CPLANE1: variants seen among roughly 807,000 people sequenced by gnomAD.
CPLANE1 encodes the protein ciliogenesis and planar polarity effector complex subunit 1.
CPLANE1 carries 263 observed loss-of-function variants against 362.5 expected under a neutral mutation model. That is an observed-to-expected ratio of 0.73 (90% confidence interval 0.66 to 0.80). The LOEUF is 0.80. Ranked by LOEUF, CPLANE1 falls within the 30% of genes least tolerant of loss-of-function variation. The pLI is 0.00. For synonymous variants in CPLANE1, 1,212 were observed against 1,302.6 expected (o/e 0.93, Z 1.50); for missense variants, 3,461 against 3,793.4 (o/e 0.91, Z 2.30).
chr5:37,176,194 T>C (rs1013474077), intron 30 of CPLANE1: 5 of 436,988 alleles, frequency 1.1e-5, no homozygotes, highest in Non-Finnish European at 1.6e-5. Context: ...CTGGATGACT[T>C]AAAACACCAC....
At chr5:37,098,633 C>T in the CPLANE1 span, among the ~76,000 whole-genome samples, 1 of 151,492 alleles carries the variant, frequency 6.6e-6, no homozygotes, top group South Asian at 2.1e-4. Context: ...ATATGTTAGG[C>T]CACAAAATAA....
chr5:37,218,096 A>G (rs1388844539), intron 15 of CPLANE1, among the ~76,000 whole-genome samples: 1 of 152,206 alleles, frequency 6.6e-6, no homozygotes, highest in Non-Finnish European at 1.5e-5. Context: ...AGCATGCATG[A>G]CTGCTTGAAA....
chr5:37,178,326 T>G (rs1781756608), intron 29 of CPLANE1, among the ~76,000 whole-genome samples: 1 of 151,506 alleles, frequency 6.6e-6, no homozygotes, highest in Non-Finnish European at 1.5e-5. Flanking sequence ...AAAAGAATTG[T>G]TACAACAGAT....
chr5:37,165,415 T>C, intron 36 of CPLANE1, 124 bp downstream of exon 36: 1 of 881,868 alleles, frequency 1.1e-6, no homozygotes. Flanking sequence ...ATATACTGAA[T>C]GATATGAAGA....
the CPLANE1 span, among the ~76,000 whole-genome samples, chr5:37,094,274 C>A: frequency 3.0e-4 from 46 of 152,310 alleles, no homozygotes; most frequent in Non-Finnish European, 5.9e-4. Context: ...CCACAGAAAT[C>A]AACTCCAAAA....
At chr5:37,210,552 A>C in intron 16 of CPLANE1, 1 of 1,501,128 alleles carries the variant, frequency 6.7e-7, no homozygotes, top group Non-Finnish European at 9.2e-7. Flanking sequence ...GGAGGAACTC[A>C]ATCAATCTAT....
rs1264949337 is a variant in CPLANE1 at position 37,247,618 on chromosome 5, C to T, written c.81G>A (p.Lys27=). Residue 27 remains lysine (K), a splice_region_variant and synonymous_variant, in exon 2 of 53, where the codon AAG becomes AAA. Coordinates refer to ENST00000651892, the MANE Select transcript of CPLANE1 (RefSeq NM_001384732.1). Reference sequence around the variant, plus strand: ...ATTGCATGAATAAAGAAAAACCTACCTTTCCCAACCAGGAGACACGTGGCC... The same window carrying T: ...ATTGCATGAATAAAGAAAAACCTACTTTTCCCAACCAGGAGACACGTGGCC... ...KPWPRVSWLG[K]EKEAVFLLDD... 6.5e-7 allele frequency: 1 copy of T among 1,549,852 alleles called. No individual in the cohort carries two copies. Among genetic ancestry groups the T allele is most frequent in the South Asian group, 1.2e-5 (1 of 83,456 alleles).
In CPLANE1 at chr5:37,142,320, A is replaced by G; in HGVS notation, c.8622T>C (p.Thr2874=). The change falls in exon 44 of 53, where the codon ACT becomes ACC. Residue 2874 remains threonine, a synonymous_variant. Coordinates refer to ENST00000651892, the MANE Select transcript of CPLANE1 (RefSeq NM_001384732.1). ...AGTAAAGAACAATACCAGGAGAAGT[A>G]GTATTCTGATCACTGGAACTGGAAA... ...VSLSSSSDQN[T]TSPGMNSSDE... 1.3e-6 allele frequency: 2 copies of G among 1,587,800 alleles called. No homozygotes were observed. Among genetic ancestry groups the G allele is most frequent in the Non-Finnish European group, 1.7e-6 (2 of 1,170,964 alleles).
intron 14 of CPLANE1, 138 bp from the exon 15 acceptor site, chr5:37,221,626 T>G: frequency 2.2e-6 from 1 of 462,544 alleles, no homozygotes; most frequent in Admixed American, 4.3e-5. Flanking sequence ...TTTCTGCATC[T>G]GTTTCACACT....
intron 23 of CPLANE1, among the ~76,000 whole-genome samples, chr5:37,186,956 A>G (rs1784178185): frequency 2.7e-5 from 4 of 150,484 alleles, no homozygotes; most frequent in South Asian, 4.2e-4. Flanking sequence ...AGCTGCTCGG[A>G]AGGCTGAGGC....
rs199746268 is a variant in CPLANE1, at chr5:37,168,527, G to C, written c.7233+264C>G. 5.9e-5 allele frequency among the ~76,000 whole-genome samples: 9 copies of C among 152,156 alleles called. No individual in the cohort carries two copies. In the East Asian group the frequency reaches 7.7e-4, roughly 13 times the overall value. On this transcript the variant is annotated intron_variant, in intron 34 of 52. Coordinates refer to ENST00000651892, the MANE Select transcript of CPLANE1 (RefSeq NM_001384732.1). ...ACACAATTTTTTTTTAATAGAGACA[G>C]CTTCTCCCTATGTTACCCAGGCTAG... is the stretch of plus-strand genomic sequence containing the variant.
chr5:37,131,186 T>C (rs1467290743), intron 46 of CPLANE1, among the ~76,000 whole-genome samples: 2 of 152,214 alleles, frequency 1.3e-5, no homozygotes, highest in Non-Finnish European at 2.9e-5. Flanking sequence ...AATCGCAGAA[T>C]GCAGTTATTT....
At chr5:37,090,337 C>G in the CPLANE1 span, among the ~76,000 whole-genome samples, 1 of 152,132 alleles carries the variant, frequency 6.6e-6, no homozygotes, top group Non-Finnish European at 1.5e-5. Context: ...TGCCACATAC[C>G]GGGACTAAAA....
At chr5:37,093,573 A>G in the CPLANE1 span, among the ~76,000 whole-genome samples, 6 of 152,002 alleles carry the variant, frequency 3.9e-5, no homozygotes, top group Non-Finnish European at 7.4e-5. Context: ...TTAGACCCCC[A>G]CTCCTGGGGG....
Position 37,180,870 on chromosome 5 carries a change from G to A in CPLANE1, c.5557C>T (p.Gln1853Ter), listed in dbSNP as rs766699868. The A allele has an allele frequency of 5.6e-6, 9 of 1,613,798 alleles. No individual in the cohort carries two copies. In the East Asian group the frequency reaches 1.3e-4, roughly 24 times the overall value. ...EERNGQNKSC[Q>*]NILNRMPTEA... ...TCGGCAACTTACTTCAAGATATTTT[G>A]ACAAGATTTATTCTGACCATTTCTT... The change falls in exon 27 of 53, where the codon CAA becomes TAA. Residue 1853 changes from glutamine to a stop codon, truncating the protein, a stop_gained. Coordinates refer to ENST00000651892, the MANE Select transcript of CPLANE1 (RefSeq NM_001384732.1). LOFTEE classifies it high-confidence loss of function.
Position 37,164,209 on chromosome 5 carries a change from A to G in CPLANE1, c.7588+64T>C, listed in dbSNP as rs549615623. The G allele has an allele frequency of 5.6e-6, 7 of 1,255,836 alleles. No homozygotes were observed. In the South Asian group the frequency reaches 7.3e-5, roughly 13 times the overall value. The allele number at this position is 1,255,836 out of a possible 1,614,324, so 77.8% of individuals were successfully genotyped here. A position where few individuals can be genotyped will look rare whatever the true frequency, so the allele number is the denominator to read the frequency against. The stretch of plus-strand genomic sequence containing the variant: ...AGGTAGCCTCATTTTCATATTGTAC[A>G]TATTTCTAGAAAGCTAATTTTAACT... On this transcript the variant is annotated intron_variant, in intron 37 of 52. Transcript: ENST00000651892.
intron 14 of CPLANE1, among the ~76,000 whole-genome samples, chr5:37,223,708 A>G (rs1037900821): frequency 6.6e-6 from 1 of 152,254 alleles, no homozygotes; most frequent in Admixed American, 6.5e-5. Context: ...ACTTAATGCA[A>G]TGATACGTTT....
intron 51 of CPLANE1, among the ~76,000 whole-genome samples, chr5:37,114,101 G>A (rs184722539): frequency 7.2e-5 from 11 of 152,192 alleles, no homozygotes; most frequent in East Asian, 1.9e-4. Flanking sequence ...GTGAGCCACC[G>A]CGCCCAGCCA....
Position 37,107,638 on chromosome 5 carries a change from G to C in CPLANE1, c.9720C>G (p.Asp3240Glu). 1 of 1,611,116 alleles carries C rather than the reference G, an allele frequency of 6.2e-7. No individual in the cohort carries two copies. Among genetic ancestry groups the C allele is most frequent in the Non-Finnish European group, 8.5e-7 (1 of 1,179,390 alleles). The change falls in exon 53 of 53, where the codon GAC becomes GAG. Residue 3240 changes from aspartate to glutamate, a missense_variant. Coordinates refer to ENST00000651892, the MANE Select transcript of CPLANE1 (RefSeq NM_001384732.1). ...AIEDMVASVE[D>E]QGLSVHWALD... ...GGGCCCAGTGGACAGACAGGCCCTG[G>C]TCCTCCACGCTGGCCACCATGTCTT...
Sources: gnomAD v4.1 joint callset for allele counts (sites outside exome capture counted in the v4.1 genomes callset) on GRCh38, gnomAD v4.1.1 for gene constraint, MANE v1.5 for transcripts, NCBI Gene and HGNC (gene_info 2026-07-23, HGNC 2026-07-21) for gene names.